The following ESR1 variants were observed in gnomAD, a reference collection of about 807,000 sequenced individuals.
ESR1 encodes estrogen receptor.
In ESR1, 12 loss-of-function variants were observed where a neutral mutation model predicts 52.7. The ratio of observed to expected loss-of-function variants is 0.23; its 90% CI spans 0.15 to 0.37. The LOEUF is 0.37. Among genes scored for constraint, ESR1 ranks in the 10% least tolerant of loss-of-function variants. The pLI is 1.00. For synonymous variants in ESR1, 305 were observed against 316.8 expected (o/e 0.96, Z 0.39); for missense variants, 584 against 779.7 (o/e 0.75, Z 2.99).
chr6:151,676,235 A>G (rs1381204965), intron 1 of ESR1, among the ~76,000 whole-genome samples: 5 of 151,992 alleles, frequency 3.3e-5, no homozygotes, highest in African/African-American at 7.2e-5. Context: ...TACCTTCCCA[A>G]CTCGGTGAGC....
chr6:151,819,353 C>T (rs1042890538), intron 1 of ESR1, among the ~76,000 whole-genome samples: 11 of 152,166 alleles, frequency 7.2e-5, no homozygotes, highest in Non-Finnish European at 1.5e-5. Context: ...GGACCATGGA[C>T]TCGTACTGGT....
chr6:151,807,888 T>G lies in ESR1; in HGVS notation c.-25T>G, dbSNP rs546068650. ...CCTTCTGCCCTGCGGGGACACGGTC[T>G]GCACCCTGCCCGCGGCCACGGACCA... On this transcript the variant is annotated 5_prime_UTR_variant, in exon 1 of 8. Coordinates refer to ENST00000206249, the MANE Select transcript of ESR1 (RefSeq NM_000125.4). The G allele has an allele frequency of 1.1e-5, 17 of 1,606,724 alleles. No individual in the cohort carries two copies. The South Asian group carries it at 1.9e-4, about 18-fold the overall frequency.
chr6:151,892,024 T>A (rs938567066), intron 3 of ESR1, among the ~76,000 whole-genome samples: 4 of 152,230 alleles, frequency 2.6e-5, no homozygotes, highest in African/African-American at 9.6e-5. Flanking sequence ...TTTGAAAGTC[T>A]GATTTTGTTT....
chr6:151,884,478 A>G (rs1793500731), intron 3 of ESR1, among the ~76,000 whole-genome samples: 1 of 152,140 alleles, frequency 6.6e-6, no homozygotes, highest in Non-Finnish European at 1.5e-5. Context: ...GGATATTGAA[A>G]CTCTACCTAT....
chr6:151,873,120 CA>C (rs1791250181), intron 2 of ESR1, among the ~76,000 whole-genome samples: 1 of 152,248 alleles, frequency 6.6e-6, no homozygotes, highest in African/African-American at 2.4e-5. Flanking sequence ...AAGTAGATAC[CA>C]TTCTTGAATG....
intron 3 of ESR1, among the ~76,000 whole-genome samples, chr6:151,938,236 G>A (rs2034607387): frequency 1.3e-5 from 2 of 151,998 alleles, no homozygotes; most frequent in South Asian, 4.1e-4. Context: ...AGCATATTAA[G>A]AAAACTCATT....
In ESR1 at chr6:151,977,195, C is replaced by T. The variant is rs535085779; in HGVS notation, c.1096+32687C>T. On this transcript the variant is annotated intron_variant, in intron 4 of 7. Transcript: ENST00000206249. ...GATGACACTGGATGGCCTTAAGTTT[C>T]CATTTTGACTGGCATGTAATCCAGC... 4.6e-4 allele frequency among the ~76,000 whole-genome samples: 70 copies of T among 152,178 alleles called. 1 individual carries two copies. The South Asian group carries it at 0.013, about 29-fold the overall frequency.
chr6:151,844,557 G>A (rs924966772), intron 2 of ESR1, among the ~76,000 whole-genome samples: 47 of 152,114 alleles, frequency 3.1e-4, no homozygotes, highest in African/African-American at 1.1e-3. Flanking sequence ...TGCAGCTACC[G>A]AACTGGATTA....
chr6:151,718,042 G>A (rs1372781873), intron 2 of ESR1, among the ~76,000 whole-genome samples: 1 of 152,114 alleles, frequency 6.6e-6, no homozygotes, highest in Non-Finnish European at 1.5e-5. Flanking sequence ...GCCTCTGGTA[G>A]CACTCAATAG....
chr6:151,875,434 T>C (rs1791644175), intron 2 of ESR1, among the ~76,000 whole-genome samples: 7 of 152,130 alleles, frequency 4.6e-5, no homozygotes, highest in Non-Finnish European at 1.0e-4. Context: ...ATCTCAGTAT[T>C]GTTCAGATAT....
chr6:152,066,564 T>A (rs573211744), intron 6 of ESR1, among the ~76,000 whole-genome samples: 3 of 152,224 alleles, frequency 2.0e-5, no homozygotes, highest in Non-Finnish European at 4.4e-5. Context: ...CCAAGCTTCC[T>A]CTCCAGGGAG....
chr6:151,756,469 A>G (rs922947618), intron 2 of ESR1, among the ~76,000 whole-genome samples: 1 of 152,140 alleles, frequency 6.6e-6, no homozygotes, highest in Admixed American at 6.5e-5. Context: ...GCTGGTCTCC[A>G]ACTCCTGACC....
intron 6 of ESR1, among the ~76,000 whole-genome samples, chr6:152,123,750 C>A (rs1487848716): frequency 6.6e-6 from 1 of 152,120 alleles, no homozygotes; most frequent in Non-Finnish European, 1.5e-5. Flanking sequence ...GTATAAATTC[C>A]TTAAGAGTTT....
chr6:151,930,041 T>C (rs567904293), intron 3 of ESR1, among the ~76,000 whole-genome samples: 5 of 151,938 alleles, frequency 3.3e-5, no homozygotes, highest in Non-Finnish European at 7.4e-5. Flanking sequence ...GGGAGTGCAA[T>C]GGTGCGATCT....
intron 1 of ESR1, among the ~76,000 whole-genome samples, chr6:151,838,965 A>G (rs1037560885): frequency 6.6e-6 from 1 of 152,202 alleles, no homozygotes; most frequent in Non-Finnish European, 1.5e-5. Flanking sequence ...GTCAATATTT[A>G]TAAAAATAGT....
chr6:152,090,411 G>C (rs969561297), intron 6 of ESR1, among the ~76,000 whole-genome samples: 1 of 152,230 alleles, frequency 6.6e-6, no homozygotes, highest in Non-Finnish European at 1.5e-5. Context: ...TTTGGGAACA[G>C]ATAGAAAATC....
Position 151,841,561 on chromosome 6 carries a change from T to C in ESR1, c.453-1036T>C, listed in dbSNP as rs1057017450. ...TCCTAGAATCTCCTTACTGTTCATT[T>C]TCAGCTTCCTTTCTGTGTTCCTCTT... On this transcript the variant is annotated intron_variant, in intron 1 of 7. Transcript: ENST00000206249. Among the ~76,000 whole-genome samples, 16 of 152,334 alleles carry C rather than the reference T, an allele frequency of 1.1e-4. No individual in the cohort carries two copies. The East Asian group carries it at 2.5e-3, about 24-fold the overall frequency.
chr6:152,015,909 T>G (rs1371698697), intron 5 of ESR1, among the ~76,000 whole-genome samples: 1 of 152,060 alleles, frequency 6.6e-6, no homozygotes, highest in Non-Finnish European at 1.5e-5. Context: ...TGAAGTAAAA[T>G]CCTTAAGGTC....
At chr6:151,686,482 G>C (rs851989), upstream of ESR1, among the ~76,000 whole-genome samples, 1 of 151,988 alleles carries the variant, frequency 6.6e-6, no homozygotes, top group Non-Finnish European at 1.5e-5. Flanking sequence ...TCAGCAGATC[G>C]AGACCATCCC....
Sources: allele counts gnomAD v4.1 joint callset (sites outside exome capture counted in the v4.1 genomes callset), GRCh38; gene constraint gnomAD v4.1.1; transcripts MANE v1.5; gene names NCBI Gene and HGNC (gene_info 2026-07-23, HGNC 2026-07-21).